Variants in TMEM178B observed in about 807,000 individuals in gnomAD.
TMEM178B encodes transmembrane protein 178B.
TMEM178B carries 5 observed loss-of-function variants against 31.0 expected under a neutral mutation model. That is an observed-to-expected ratio of 0.16 (90% confidence interval 0.08 to 0.34). The LOEUF (loss-of-function observed/expected upper bound fraction) is 0.34, where lower values mean the gene tolerates loss of function less well. Ranked by LOEUF, TMEM178B falls within the 10% of genes least tolerant of loss-of-function variation. The pLI is 1.00. For missense variants in TMEM178B, 275 were observed against 400.3 expected (o/e 0.69, Z 2.67); for synonymous variants, 164 against 164.0 (o/e 1.00, Z 0.00).
At chr7:141,363,760 G>C (rs1422472339) in intron 2 of TMEM178B, among the ~76,000 whole-genome samples, 1 of 152,144 alleles carries the variant, frequency 6.6e-6, no homozygotes, top group Non-Finnish European at 1.5e-5. Context: ...CACAGGAGAT[G>C]TGCTCAACCT....
the TMEM178B span, among the ~76,000 whole-genome samples, chr7:141,492,307 A>G: frequency 9.2e-5 from 14 of 152,186 alleles, no homozygotes; most frequent in Admixed American, 8.5e-4. Context: ...CTGATCCCCC[A>G]AACAAAAGTA....
chr7:141,074,632 C>T lies in TMEM178B; in HGVS notation c.322C>T (p.Leu108Phe). The stretch of plus-strand genomic sequence containing the variant: ...GCAGTACAACTCCACCAACATGGGC[C>T]TCTGGAGGAAGTGCCACCGGCAGGG... Reference protein sequence around the residue: ...SRQYNSTNMGLWRKCHRQGFD... With the variant: ...SRQYNSTNMGFWRKCHRQGFD... The change falls in exon 1 of 4, where the codon CTC becomes TTC. Residue 108 changes from leucine (L) to phenylalanine (F), a missense_variant. Physicochemically the swap from Leu to Phe is conservative, Grantham distance 22 (BLOSUM62 0). Transcript: ENST00000565468. The surrounding 1 kb of genome is among the most constrained non-coding windows in gnomAD (Gnocchi z 5.1). The T allele has an allele frequency of 5.2e-6, 8 of 1,528,678 alleles. No homozygotes were observed. The highest frequency in any genetic ancestry group is 5.3e-6 in the Non-Finnish European group (6 of 1,141,068). The allele number at this position is 1,528,678 out of a possible 1,614,324, so 94.7% of individuals were successfully genotyped here. A position where few individuals can be genotyped will look rare whatever the true frequency, so the allele number is the denominator to read the frequency against.
intron 2 of TMEM178B, among the ~76,000 whole-genome samples, chr7:141,418,815 G>A (rs191157043): frequency 1.9e-3 from 285 of 152,262 alleles, no homozygotes; most frequent in South Asian, 5.6e-3. Flanking sequence ...GTGCCATAAA[G>A]GGCATTTCCA....
At chr7:141,306,717 T>C (rs1161562266) in intron 2 of TMEM178B, among the ~76,000 whole-genome samples, 1 of 151,968 alleles carries the variant, frequency 6.6e-6, no homozygotes, top group African/African-American at 2.4e-5. Flanking sequence ...CTGTATTCTG[T>C]TCTCTTTGTG....
At chr7:141,266,597 C>A (rs768885284) in intron 2 of TMEM178B, among the ~76,000 whole-genome samples, 2 of 152,106 alleles carry the variant, frequency 1.3e-5, no homozygotes, top group African/African-American at 4.8e-5. Context: ...GAGAGTCTTC[C>A]GGTGGGCTAG....
chr7:141,414,732 C>T (rs1397308018), intron 2 of TMEM178B: 5 of 152,372 alleles, frequency 3.3e-5, no homozygotes, highest in South Asian at 4.1e-4. Flanking sequence ...CCCACAAATA[C>T]ACTAAGTTAT....
At chr7:141,125,671 C>A (rs1795480220) in intron 1 of TMEM178B, among the ~76,000 whole-genome samples, 1 of 141,944 alleles carries the variant, frequency 7.0e-6, no homozygotes, top group African/African-American at 2.7e-5. Context: ...CAGAGTGAGA[C>A]TCCATCTCGA....
intron 2 of TMEM178B, among the ~76,000 whole-genome samples, chr7:141,423,216 C>T (rs143365942): frequency 1.4e-4 from 22 of 152,134 alleles, no homozygotes; most frequent in Admixed American, 4.6e-4. Context: ...TTAGTAGAGA[C>T]AGGGTTTCTC....
At chr7:141,451,656 G>A (rs1055711113) in intron 3 of TMEM178B, among the ~76,000 whole-genome samples, 1 of 152,164 alleles carries the variant, frequency 6.6e-6, no homozygotes. Flanking sequence ...CAGTGTTCTT[G>A]GGCTGGCAAG....
At chr7:141,283,761 T>A (rs934969911) in intron 2 of TMEM178B, among the ~76,000 whole-genome samples, 1 of 152,186 alleles carries the variant, frequency 6.6e-6, no homozygotes, top group Admixed American at 6.5e-5. Flanking sequence ...TATACACTTA[T>A]TTTTTGGCAA....
intron 3 of TMEM178B, among the ~76,000 whole-genome samples, chr7:141,468,870 G>A (rs867111870): frequency 2.6e-5 from 4 of 152,172 alleles, no homozygotes; most frequent in African/African-American, 4.8e-5. Flanking sequence ...TTGAGGTGGC[G>A]GCGTCTGATA....
intron 1 of TMEM178B, among the ~76,000 whole-genome samples, chr7:141,170,805 T>C (rs1458251307): frequency 6.6e-6 from 1 of 152,218 alleles, no homozygotes; most frequent in Admixed American, 6.5e-5. Flanking sequence ...CAGCCCCTGT[T>C]GGTCAGGTCT....
chr7:141,138,308 A>G (rs1045271189), intron 1 of TMEM178B, among the ~76,000 whole-genome samples: 6 of 151,942 alleles, frequency 3.9e-5, no homozygotes, highest in Non-Finnish European at 5.9e-5. Context: ...TGATCCACCC[A>G]TCTCGGCCTC....
intron 1 of TMEM178B, among the ~76,000 whole-genome samples, chr7:141,149,237 A>G (rs2129180272): frequency 6.6e-6 from 1 of 152,302 alleles, no homozygotes; most frequent in African/African-American, 2.4e-5. Context: ...GACCCCTGGC[A>G]CCTGTGAATG....
Position 141,474,281 on chromosome 7 carries a change from C to A in TMEM178B, c.*3495C>A, listed in dbSNP as rs1295515729. 6.6e-6 allele frequency: 1 copy of A among 152,116 alleles called. No homozygotes were observed. Among genetic ancestry groups the A allele is most frequent in the Non-Finnish European group, 1.5e-5 (1 of 68,032 alleles). 9.4% of individuals were successfully genotyped at this position (152,116 alleles called of 1,614,324 possible). A position where few individuals can be genotyped will look rare whatever the true frequency, so the allele number is the denominator to read the frequency against. ...GGAGTTACGGTTTCTTCTTCTGTTTCCGTTTCCTCTCTCTCTACTCACTCC... is the reference window on the plus strand; with the variant it reads ...GGAGTTACGGTTTCTTCTTCTGTTTACGTTTCCTCTCTCTCTACTCACTCC... On this transcript the variant is annotated 3_prime_UTR_variant, in exon 4 of 4. Transcript: ENST00000565468.
At chr7:141,301,649 G>T (rs572371521) in intron 2 of TMEM178B, among the ~76,000 whole-genome samples, 1 of 152,142 alleles carries the variant, frequency 6.6e-6, no homozygotes, top group African/African-American at 2.4e-5. Context: ...GCAGTGTTTC[G>T]TAGGTGTGTG....
chr7:141,386,703 C>T (rs766077073), intron 2 of TMEM178B, among the ~76,000 whole-genome samples: 12 of 152,122 alleles, frequency 7.9e-5, no homozygotes, highest in Non-Finnish European at 1.8e-4. Flanking sequence ...CCAAACACTG[C>T]GACTATGCAT....
chr7:141,087,004 A>T (rs76021760), intron 1 of TMEM178B, among the ~76,000 whole-genome samples: 2 of 152,072 alleles, frequency 1.3e-5, no homozygotes, highest in Admixed American at 1.3e-4. Flanking sequence ...TTTGTTTTTT[A>T]AAAACAAAAA....
chr7:141,368,697 G>A (rs967459148), intron 2 of TMEM178B, among the ~76,000 whole-genome samples: 4 of 152,150 alleles, frequency 2.6e-5, no homozygotes, highest in African/African-American at 9.7e-5. Flanking sequence ...ATGCATATCT[G>A]GTTATCATAG....
Sources: allele counts gnomAD v4.1 joint callset (sites outside exome capture counted in the v4.1 genomes callset), GRCh38; gene constraint gnomAD v4.1.1; non-coding constraint Gnocchi (gnomAD v3.1); transcripts MANE v1.5; gene names NCBI Gene and HGNC (gene_info 2026-07-23, HGNC 2026-07-21).